LRMDA: variants seen among roughly 807,000 people sequenced by gnomAD.
LRMDA encodes the protein leucine-rich melanocyte differentiation-associated protein.
A neutral mutation model predicts 29.8 loss-of-function variants in LRMDA; 18 were observed. The ratio of observed to expected loss-of-function variants is 0.60; its 90% CI spans 0.42 to 0.90. LRMDA has a LOEUF of 0.90. Among genes scored for constraint, LRMDA ranks in the 40% least tolerant of loss-of-function variants. The pLI is 0.00. For missense variants in LRMDA, 273 were observed against 273.9 expected (o/e 1.00, Z 0.02); for synonymous variants, 125 against 109.4 (o/e 1.14, Z -0.89).
chr10:75,997,088 A>G (rs1034013894), intron 2 of LRMDA, among the ~76,000 whole-genome samples: 3 of 152,204 alleles, frequency 2.0e-5, no homozygotes, highest in Non-Finnish European at 4.4e-5. Context: ...TATTCATTAT[A>G]GAAATTTTGG....
chr10:76,063,659 A>G lies in LRMDA; in HGVS notation c.516+4876A>G, dbSNP rs189878451. On this transcript the variant is annotated intron_variant, in intron 5 of 6. Coordinates refer to ENST00000611255, the MANE Select transcript of LRMDA (RefSeq NM_001305581.2). ...GTTGAAGAAATAAACTTTGGAGTACATGCATTTCCAAAAGTCTCTCTTATT... is the reference window on the plus strand; with the variant it reads ...GTTGAAGAAATAAACTTTGGAGTACGTGCATTTCCAAAAGTCTCTCTTATT... Among the ~76,000 whole-genome samples, 14 of 152,218 alleles carry G rather than the reference A, an allele frequency of 9.2e-5. No homozygotes were observed. The East Asian group carries it at 2.1e-3, about 23-fold the overall frequency.
intron 3 of LRMDA, among the ~76,000 whole-genome samples, chr10:76,039,215 T>C (rs1444113009): frequency 6.6e-6 from 1 of 152,208 alleles, no homozygotes; most frequent in Non-Finnish European, 1.5e-5. Flanking sequence ...AGAAGCATAA[T>C]TCATTTCTGT....
intron 5 of LRMDA, among the ~76,000 whole-genome samples, chr10:76,271,908 G>T (rs1307147368): frequency 6.6e-6 from 1 of 152,196 alleles, no homozygotes; most frequent in Non-Finnish European, 1.5e-5. Flanking sequence ...CAAAATTGGA[G>T]TCCAGCCTTG....
intron 2 of LRMDA, among the ~76,000 whole-genome samples, chr10:75,992,868 A>G (rs952089028): frequency 2.0e-5 from 3 of 152,192 alleles, no homozygotes; most frequent in South Asian, 2.1e-4. Flanking sequence ...CTCAGGTCCA[A>G]ATTCATTCAT....
intron 2 of LRMDA, among the ~76,000 whole-genome samples, chr10:75,520,537 T>G (rs565037771): frequency 2.0e-5 from 3 of 152,332 alleles, no homozygotes; most frequent in African/African-American, 7.2e-5. Flanking sequence ...TCAGGTCATT[T>G]AAGTTCTTCT....
At chr10:75,838,757 G>T (rs925042392) in intron 2 of LRMDA, among the ~76,000 whole-genome samples, 8 of 152,182 alleles carry the variant, frequency 5.3e-5, no homozygotes, top group African/African-American at 1.9e-4. Flanking sequence ...AGCATTCTTG[G>T]TAACACAAAG....
rs184922482 is a variant in LRMDA, at chr10:75,493,432, G to A, written c.131+54938G>A. 7.9e-5 allele frequency among the ~76,000 whole-genome samples: 12 copies of A among 151,082 alleles called. 1 individual carries two copies. Among genetic ancestry groups the A allele is most frequent in the African/African-American group, 2.7e-4 (11 of 41,148 alleles). On this transcript the variant is annotated intron_variant, in intron 2 of 6. Coordinates refer to ENST00000611255, the MANE Select transcript of LRMDA (RefSeq NM_001305581.2). ...GTGGGAAAATGGCATATGGGAAGCC[G>A]AGGGAGCCCCCACAGTCCTTGTGGG...
At chr10:76,065,533 C>G (rs1345512688) in intron 5 of LRMDA, among the ~76,000 whole-genome samples, 1 of 152,250 alleles carries the variant, frequency 6.6e-6, no homozygotes, top group Non-Finnish European at 1.5e-5. Flanking sequence ...GCTTCACCCT[C>G]TTCCTCTTTT....
At chr10:75,560,156 T>C (rs1424398529) in intron 2 of LRMDA, among the ~76,000 whole-genome samples, 2 of 151,796 alleles carry the variant, frequency 1.3e-5, no homozygotes, top group African/African-American at 4.8e-5. Flanking sequence ...TGATTCTTCC[T>C]ACCCATGAGC....
Position 76,372,601 on chromosome 10 carries a change from C to T in LRMDA, c.601+48116C>T, listed in dbSNP as rs570720578. Reference sequence around the variant, plus strand: ...TGCACTCCAGCCTGGGTGACAGAGACAGACTTCATCTCAAAAATAAAATAA... The same window carrying T: ...TGCACTCCAGCCTGGGTGACAGAGATAGACTTCATCTCAAAAATAAAATAA... On this transcript the variant is annotated intron_variant, in intron 6 of 6. Coordinates refer to ENST00000611255, the MANE Select transcript of LRMDA (RefSeq NM_001305581.2). Among the ~76,000 whole-genome samples, 308 of 38,088 alleles carry T rather than the reference C, an allele frequency of 8.1e-3. 2 individuals are homozygous for T. Among genetic ancestry groups the T allele is most frequent in the Middle Eastern group, 0.024 (1 of 42 alleles). 25.0% of individuals were successfully genotyped at this position (38,088 alleles called of 152,430 possible).
intron 6 of LRMDA, among the ~76,000 whole-genome samples, chr10:76,374,457 C>T (rs572055486): frequency 6.6e-6 from 1 of 152,208 alleles, no homozygotes; most frequent in South Asian, 2.1e-4. Context: ...GCATACTGCA[C>T]AAGATGCAGA....
intron 2 of LRMDA, among the ~76,000 whole-genome samples, chr10:75,985,842 A>T (rs1337153415): frequency 1.3e-5 from 2 of 152,196 alleles, no homozygotes; most frequent in Non-Finnish European, 2.9e-5. Context: ...TGAAGCGAAA[A>T]GGGGTCCTGG....
At chr10:76,319,755 GCTGA>G (rs962194719) in intron 5 of LRMDA, among the ~76,000 whole-genome samples, 10 of 25,064 alleles carry the variant, frequency 4.0e-4, no homozygotes, top group Non-Finnish European at 1.1e-3. Flanking sequence ...CTTGAAAGAG[GCTGA>G]CTATTTCCCA....
At position 76,557,366 on chromosome 10, in the gene LRMDA, G is replaced by A; in HGVS notation, c.*78G>A. 1 of 1,227,472 alleles carries A rather than the reference G, an allele frequency of 8.1e-7. No homozygotes were observed. Among genetic ancestry groups the A allele is most frequent in the African/African-American group, 1.5e-5 (1 of 66,572 alleles). The allele number at this position is 1,227,472 out of a possible 1,614,324, so 76.0% of individuals were successfully genotyped here. A position where few individuals can be genotyped will look rare whatever the true frequency, so the allele number is the denominator to read the frequency against. On this transcript the variant is annotated 3_prime_UTR_variant, in exon 7 of 7. Transcript: ENST00000611255. Reference sequence around the variant, plus strand: ...AATCAAAAATAAAGAAAACGCTAAAGAAAAAACAATAGCCCACATTGCCTC... The same window carrying A: ...AATCAAAAATAAAGAAAACGCTAAAAAAAAAACAATAGCCCACATTGCCTC...
chr10:76,327,003 C>T (rs1469580921), intron 6 of LRMDA, among the ~76,000 whole-genome samples: 1 of 151,626 alleles, frequency 6.6e-6, no homozygotes, highest in Non-Finnish European at 1.5e-5. Context: ...TGTTCATATT[C>T]TACTTTGTAT....
chr10:76,235,575 C>T (rs1376973673), intron 5 of LRMDA, among the ~76,000 whole-genome samples: 2 of 152,114 alleles, frequency 1.3e-5, no homozygotes, highest in Non-Finnish European at 2.9e-5. Flanking sequence ...AGGTGACAGC[C>T]TGCGACAGGG....
intron 2 of LRMDA, among the ~76,000 whole-genome samples, chr10:75,517,180 C>T (rs1477703656): frequency 2.6e-5 from 4 of 152,022 alleles, no homozygotes; most frequent in Non-Finnish European, 5.9e-5. Context: ...CTTGGCAATG[C>T]GGGCTCTTTT....
At chr10:75,679,933 A>T (rs1842004427) in intron 2 of LRMDA, among the ~76,000 whole-genome samples, 1 of 152,198 alleles carries the variant, frequency 6.6e-6, no homozygotes. Context: ...AAATTATCTT[A>T]AAGAAAAAAT....
chr10:75,607,326 A>G (rs1187423512), intron 2 of LRMDA, among the ~76,000 whole-genome samples: 1 of 152,218 alleles, frequency 6.6e-6, no homozygotes, highest in African/African-American at 2.4e-5. Flanking sequence ...TCAAATTTCT[A>G]GTCTGTTAGA....
Sources: gnomAD v4.1 joint callset for allele counts (sites outside exome capture counted in the v4.1 genomes callset) on GRCh38, gnomAD v4.1.1 for gene constraint, MANE v1.5 for transcripts, NCBI Gene and HGNC (gene_info 2026-07-23, HGNC 2026-07-21) for gene names.